CACNG2: variants seen among roughly 807,000 people sequenced by gnomAD.
CACNG2 encodes calcium voltage-gated channel auxiliary subunit gamma 2.
In CACNG2, 3 loss-of-function variants were observed where a neutral mutation model predicts 25.9. That is an observed-to-expected ratio of 0.12 (90% CI 0.05 to 0.30). CACNG2 has a LOEUF of 0.30. Ranked by LOEUF, CACNG2 falls within the 10% of genes least tolerant of loss-of-function variation. The pLI is 1.00. For missense variants in CACNG2, 341 were observed against 432.5 expected (o/e 0.79, Z 1.88); for synonymous variants, 167 against 173.3 (o/e 0.96, Z 0.29).
intron 1 of CACNG2, among the ~76,000 whole-genome samples, chr22:36,684,829 T>G (rs1937174852): frequency 6.6e-6 from 1 of 152,140 alleles, no homozygotes. Context: ...TTCAGAGAGA[T>G]GAAGCACCCT....
chr22:36,605,193 G>A (rs1228969183), intron 1 of CACNG2, among the ~76,000 whole-genome samples: 1 of 152,130 alleles, frequency 6.6e-6, no homozygotes, highest in African/African-American at 2.4e-5. Flanking sequence ...TCCTGCCTCA[G>A]CCTCCTGAGT....
intron 1 of CACNG2, among the ~76,000 whole-genome samples, chr22:36,625,021 T>C (rs1157250137): frequency 2.5e-4 from 2 of 7,968 alleles, no homozygotes; most frequent in Admixed American, 1.3e-3. Flanking sequence ...AGTGAGACTC[T>C]GTCTCAAAAA....
intron 2 of CACNG2, among the ~76,000 whole-genome samples, chr22:36,571,782 CAGG>C: frequency 6.6e-6 from 1 of 150,760 alleles, no homozygotes; most frequent in Non-Finnish European, 1.5e-5. Flanking sequence ...GGGGCTGAGG[CAGG>C]AGAATCGCTT....
chr22:36,685,696 G>A (rs1937187061), intron 1 of CACNG2, among the ~76,000 whole-genome samples: 1 of 152,196 alleles, frequency 6.6e-6, no homozygotes, highest in South Asian at 2.1e-4. Context: ...CAGTCCTCAG[G>A]GGAAGGATTC....
At chr22:36,673,997 C>T (rs1392039219) in intron 1 of CACNG2, among the ~76,000 whole-genome samples, 6 of 152,332 alleles carry the variant, frequency 3.9e-5, no homozygotes, top group African/African-American at 1.2e-4. Context: ...AGCACGCAAT[C>T]GCTGGTGTGC....
intron 2 of CACNG2, among the ~76,000 whole-genome samples, chr22:36,576,089 T>A (rs1935307527): frequency 6.6e-6 from 1 of 152,246 alleles, no homozygotes. Context: ...GATGCATGTT[T>A]ATAGCAGTAC....
At chr22:36,658,317 T>C (rs1219876486) in intron 1 of CACNG2, among the ~76,000 whole-genome samples, 1 of 152,190 alleles carries the variant, frequency 6.6e-6, no homozygotes, top group African/African-American at 2.4e-5. Flanking sequence ...TCAAGGCAGA[T>C]TCTACCTTAT....
At chr22:36,682,185 G>A (rs1436890005) in intron 1 of CACNG2, among the ~76,000 whole-genome samples, 3 of 152,232 alleles carry the variant, frequency 2.0e-5, no homozygotes, top group South Asian at 2.1e-4. Context: ...GGGAGAAGAC[G>A]CAGGGCTTGA....
intron 1 of CACNG2, among the ~76,000 whole-genome samples, chr22:36,603,604 T>A (rs975132243): frequency 1.3e-5 from 2 of 152,186 alleles, no homozygotes; most frequent in African/African-American, 4.8e-5. Context: ...CTGGTGACTT[T>A]AAGTTGAGGC....
intron 1 of CACNG2, among the ~76,000 whole-genome samples, chr22:36,699,904 G>T (rs968807309): frequency 2.0e-5 from 3 of 152,182 alleles, no homozygotes; most frequent in Non-Finnish European, 4.4e-5. Flanking sequence ...TTCCTAAGTC[G>T]CCAAGGCCCA....
At chr22:36,586,734 G>T (rs1354844762) in intron 2 of CACNG2, among the ~76,000 whole-genome samples, 1 of 152,198 alleles carries the variant, frequency 6.6e-6, no homozygotes, top group Non-Finnish European at 1.5e-5. Context: ...GAGAACCTCG[G>T]CTTTGCTGTC....
rs146359848 is a variant in CACNG2, at chr22:36,694,282, CT to C, written c.211+8083del. Among the ~76,000 whole-genome samples the C allele has an allele frequency of 1.8e-3, 277 of 152,294 alleles. 1 individual carries two copies. The highest frequency in any genetic ancestry group is 6.4e-3 in the African/African-American group (268 of 41,560). On this transcript the variant is annotated intron_variant, in intron 1 of 3. Coordinates refer to ENST00000300105, the MANE Select transcript of CACNG2 (RefSeq NM_006078.5). ...AACATTAAATTTGTCCCCCTCTCCC[CT>C]GAAGGCTGTTTTTGGTAGACAGGTC...
chr22:36,683,375 A>G (rs1937152363), intron 1 of CACNG2, among the ~76,000 whole-genome samples: 1 of 152,184 alleles, frequency 6.6e-6, no homozygotes, highest in African/African-American at 2.4e-5. Flanking sequence ...AAGCCCTTGG[A>G]TCTAAGAGAT....
At chr22:36,603,463 A>G (rs933247130) in intron 1 of CACNG2, among the ~76,000 whole-genome samples, 15 of 152,224 alleles carry the variant, frequency 9.9e-5, no homozygotes, top group African/African-American at 3.6e-4. Context: ...TAAACAACAA[A>G]TTTTCAAGGT....
intron 1 of CACNG2, among the ~76,000 whole-genome samples, chr22:36,598,594 G>A (rs917492087): frequency 6.6e-6 from 1 of 151,830 alleles, no homozygotes; most frequent in Non-Finnish European, 1.5e-5. Flanking sequence ...CTCCAGCCTT[G>A]GTGACAAGAG....
intron 1 of CACNG2, among the ~76,000 whole-genome samples, chr22:36,689,150 C>T (rs972900534): frequency 3.3e-5 from 5 of 152,100 alleles, no homozygotes; most frequent in African/African-American, 1.2e-4. Flanking sequence ...AGTCCCTGAG[C>T]TCACTGGTAA....
Position 36,702,845 on chromosome 22 carries a change from T to A in CACNG2, c.-269A>T, listed in dbSNP as rs531332061. 277 of 253,528 alleles carry A rather than the reference T, an allele frequency of 1.1e-3. 3 individuals carry two copies. Among genetic ancestry groups the A allele is most frequent in the Middle Eastern group, 2.4e-3 (2 of 820 alleles). The allele number at this position is 253,528 out of a possible 1,614,324, so 15.7% of individuals were successfully genotyped here. On this transcript the variant is annotated 5_prime_UTR_variant, in exon 1 of 4. Transcript: ENST00000300105. ...TGTTCCAGTTGCAGTGTTTTTTTTT[T>A]AAAAAGAAAAGGAAAAAAAAAATAA...
intron 1 of CACNG2, among the ~76,000 whole-genome samples, chr22:36,600,621 A>C (rs540707569): frequency 6.6e-6 from 1 of 150,736 alleles, no homozygotes; most frequent in African/African-American, 2.4e-5. Flanking sequence ...ATCTTGGCTC[A>C]CTGCAAACTC....
chr22:36,572,964 T>C (rs1935256359), intron 2 of CACNG2, among the ~76,000 whole-genome samples: 1 of 152,220 alleles, frequency 6.6e-6, no homozygotes, highest in Non-Finnish European at 1.5e-5. Flanking sequence ...TTCATGTCTT[T>C]CTAGAGCTTA....
Sources: allele counts gnomAD v4.1 joint callset (sites outside exome capture counted in the v4.1 genomes callset), GRCh38; gene constraint gnomAD v4.1.1; transcripts MANE v1.5; gene names NCBI Gene and HGNC (gene_info 2026-07-23, HGNC 2026-07-21).